Variants in NCOR1 observed in about 807,000 individuals in gnomAD.
NCOR1 encodes the protein protein phosphatase 1, regulatory subunit 109.
A neutral mutation model predicts 288.1 loss-of-function variants in NCOR1; 63 were observed. The observed-to-expected ratio is 0.22, with a 90% CI of 0.18 to 0.27. The LOEUF (loss-of-function observed/expected upper bound fraction) is 0.27, where lower values mean the gene tolerates loss of function less well. NCOR1 is among the 10% of genes least tolerant of loss of function. The probability of loss-of-function intolerance (pLI) is 1.00; values close to 1 mark genes in which losing one functional copy is unlikely to be tolerated. For synonymous variants in NCOR1, 1,007 were observed against 1,065.9 expected, an observed-to-expected ratio of 0.94 and a Z score of 1.08; for missense variants, 2,397 against 3,019.2, an observed-to-expected ratio of 0.79 and a Z score of 4.83.
chr17:16,034,809 C>G lies in NCOR1; in HGVS notation c.7091G>C (p.Arg2364Thr). The change falls in exon 45 of 46, where the codon AGG becomes ACG. Residue 2364 changes from arginine to threonine, a missense_variant. Arg to Thr is a moderately conservative substitution (Grantham distance 71, BLOSUM62 -1). Coordinates refer to ENST00000268712, the MANE Select transcript of NCOR1 (RefSeq NM_006311.4). Reference protein sequence around the residue: ...SSVHSEGDYHRQTPGWAWEDR... With the variant: ...SSVHSEGDYHTQTPGWAWEDR... Reference sequence around the variant, plus strand: ...TTCCCAGGCCCACCCTGGCGTCTGCCTATGGTAATCCCCTTCTGAATGTAC... The same window carrying G: ...TTCCCAGGCCCACCCTGGCGTCTGCGTATGGTAATCCCCTTCTGAATGTAC... 22 of 1,614,032 alleles carry G rather than the reference C, an allele frequency of 1.4e-5. No homozygotes were observed. The highest frequency in any genetic ancestry group is 1.9e-5 in the Non-Finnish European group (22 of 1,179,982).
chr17:16,127,213 C>A (rs373113551), intron 14 of NCOR1, among the ~76,000 whole-genome samples: 1 of 118,772 alleles, frequency 8.4e-6, no homozygotes. Context: ...ATGTATATAT[C>A]TGTATGTATA....
intron 10 of NCOR1, among the ~76,000 whole-genome samples, chr17:16,145,323 C>T (rs2077733730): frequency 6.6e-6 from 1 of 152,232 alleles, no homozygotes; most frequent in Non-Finnish European, 1.5e-5. Flanking sequence ...GCCACCACCC[C>T]ATCTGGGAAG....
rs1390467031 is a variant in NCOR1, at chr17:16,052,153, T to C, written c.6393-3165A>G. On this transcript the variant is annotated intron_variant, in intron 40 of 45. Transcript: ENST00000268712. ...CCTCCCGAGTAACTGGAACTACAGATAGATGCCGGCCACCACGCCTGGCTA... is the reference window on the plus strand; with the variant it reads ...CCTCCCGAGTAACTGGAACTACAGACAGATGCCGGCCACCACGCCTGGCTA... Among the ~76,000 whole-genome samples, 5 of 151,320 alleles carry C rather than the reference T, an allele frequency of 3.3e-5. No homozygotes were observed. In the East Asian group the frequency reaches 9.9e-4, roughly 30 times the overall value.
chr17:16,189,086 A>G (rs938766995), intron 2 of NCOR1, among the ~76,000 whole-genome samples: 5 of 152,048 alleles, frequency 3.3e-5, no homozygotes, highest in Admixed American at 6.6e-5. Flanking sequence ...AAAAATAAAA[A>G]AAAATAACAA....
In NCOR1 at chr17:16,071,403, A is replaced by T; in HGVS notation, c.4152+6T>A. On this transcript the variant is annotated splice_donor_region_variant and intron_variant, in intron 30 of 45. Transcript: ENST00000268712. ...TTACTGACAAAAAGAGCCAAAACTT[A>T]GTTACCTGGGAAATGGAACCCTCAA... is the stretch of plus-strand genomic sequence containing the variant. 6.2e-7 allele frequency: 1 copy of T among 1,605,282 alleles called. No individual in the cohort carries two copies.
intron 21 of NCOR1, among the ~76,000 whole-genome samples, chr17:16,095,462 GC>G (rs2066317196): frequency 6.9e-6 from 1 of 144,910 alleles, no homozygotes; most frequent in Admixed American, 6.8e-5. Flanking sequence ...CCCCCGCCCG[GC>G]CAGCCGCCCC....
At chr17:16,210,556 A>T (rs1397549510) in intron 1 of NCOR1, among the ~76,000 whole-genome samples, 1 of 152,222 alleles carries the variant, frequency 6.6e-6, no homozygotes, top group East Asian at 1.9e-4. Flanking sequence ...ATCAAAGCAG[A>T]TTAAAAATTA....
At position 16,095,572 on chromosome 17, in the gene NCOR1, G is replaced by A. The variant is rs1454270104; in HGVS notation, c.2820+2795C>T. On this transcript the variant is annotated intron_variant, in intron 21 of 45. Transcript: ENST00000268712. ...AGCCCCCCGCCCGGCCAGCCGCCCC[G>A]TACAGGAGGTGAGGGTCGCCTCTGC... 6.9e-4 allele frequency among the ~76,000 whole-genome samples: 83 copies of A among 120,786 alleles called. 3 individuals carry two copies. Among genetic ancestry groups the A allele is most frequent in the Non-Finnish European group, 1.1e-3 (61 of 57,186 alleles). 79.2% of individuals were successfully genotyped at this position (120,786 alleles called of 152,430 possible).
chr17:16,135,094 G>T (rs1020389609), intron 14 of NCOR1, among the ~76,000 whole-genome samples: 1 of 146,888 alleles, frequency 6.8e-6, no homozygotes, highest in African/African-American at 2.6e-5. Flanking sequence ...GGGAGGTGGA[G>T]CTTGCAGTGA....
chr17:16,119,637 C>A, intron 16 of NCOR1, 152 bp from the exon 17 acceptor site: 1 of 482,732 alleles, frequency 2.1e-6, no homozygotes, highest in Non-Finnish European at 3.6e-6. Context: ...AGTAACCTCT[C>A]CTCCACCAAA....
intron 40 of NCOR1, among the ~76,000 whole-genome samples, chr17:16,051,522 A>G (rs1192357748): frequency 6.6e-6 from 1 of 152,236 alleles, no homozygotes; most frequent in Non-Finnish European, 1.5e-5. Flanking sequence ...TTATAGCACT[A>G]AATATCCACA....
intron 16 of NCOR1, 105 bp from the exon 17 acceptor site, chr17:16,119,590 T>C (rs755124197): frequency 5.5e-6 from 4 of 729,324 alleles, no homozygotes; most frequent in Non-Finnish European, 8.7e-6. Context: ...AAAGACTATG[T>C]AAAAGCATTT....
intron 40 of NCOR1, 144 bp downstream of exon 40, chr17:16,057,370 A>C: frequency 2.7e-6 from 2 of 735,348 alleles, no homozygotes; most frequent in East Asian, 2.7e-5. Context: ...AATAATATGC[A>C]GGGGGAAGAA....
rs770504074 is a variant in NCOR1 at position 16,075,716 on chromosome 17, AAGCATAAAT to A, written c.3502-23_3502-15del. On this transcript the variant is annotated splice_polypyrimidine_tract_variant and intron_variant, in intron 26 of 45. Coordinates refer to ENST00000268712, the MANE Select transcript of NCOR1 (RefSeq NM_006311.4). ...AGCCGGGGTGCCCTGCCATCAAATC[AAGCATAAAT>A]AGCAGAGGAGTCACTCGAGTTTAGG... The A allele has an allele frequency of 2.4e-5, 39 of 1,613,656 alleles. No individual in the cohort carries two copies. Among genetic ancestry groups the A allele is most frequent in the Non-Finnish European group, 3.1e-5 (36 of 1,179,846 alleles).
At chr17:16,199,217 AC>A (rs372951162) in intron 1 of NCOR1, among the ~76,000 whole-genome samples, 2,968 of 40,948 alleles carry the variant, frequency 0.072, 97 homozygotes, top group African/African-American at 0.14. Flanking sequence ...AAAAAAAAAA[AC>A]ACACACACAC....
chr17:16,153,283 A>G, intron 7 of NCOR1, 56 bp downstream of exon 7: 1 of 1,292,668 alleles, frequency 7.7e-7, no homozygotes, highest in Non-Finnish European at 1.1e-6. Flanking sequence ...ATCCCAAGAA[A>G]AACTACCACC....
intron 17 of NCOR1, among the ~76,000 whole-genome samples, chr17:16,119,016 C>T (rs1032616494): frequency 2.6e-5 from 4 of 152,176 alleles, no homozygotes; most frequent in Non-Finnish European, 5.9e-5. Flanking sequence ...CAAATGCAAA[C>T]TGACAAAAGT....
At chr17:16,067,631 C>T (rs1474445643) in intron 32 of NCOR1, among the ~76,000 whole-genome samples, 1 of 152,174 alleles carries the variant, frequency 6.6e-6, no homozygotes, top group African/African-American at 2.4e-5. Flanking sequence ...CATTAATCCA[C>T]TTTTTCAACT....
intron 16 of NCOR1, among the ~76,000 whole-genome samples, 163 bp from the exon 17 acceptor site, chr17:16,119,648 C>T (rs777759675): frequency 7.9e-5 from 12 of 152,210 alleles, no homozygotes; most frequent in African/African-American, 1.4e-4. Context: ...CTCCACCAAA[C>T]TAGAAGAAAC....
Sources: gnomAD v4.1 joint callset for allele counts (sites outside exome capture counted in the v4.1 genomes callset) on GRCh38, gnomAD v4.1.1 for gene constraint, MANE v1.5 for transcripts, NCBI Gene and HGNC (gene_info 2026-07-23, HGNC 2026-07-21) for gene names.